SH3GL2: variants seen among roughly 807,000 people sequenced by gnomAD.
SH3GL2 encodes the protein SH3 domain containing GRB2 like 2, endophilin A1.
A neutral mutation model predicts 46.0 loss-of-function variants in SH3GL2; 24 were observed. The observed-to-expected ratio is 0.52, with a 90% CI of 0.38 to 0.73. The LOEUF (loss-of-function observed/expected upper bound fraction) is 0.73. Among genes scored for constraint, SH3GL2 ranks in the 30% least tolerant of loss-of-function variants. The pLI is 0.00. For missense variants in SH3GL2, 413 were observed against 424.2 expected (o/e 0.97, Z 0.23); for synonymous variants, 196 against 147.1 (o/e 1.33, Z -2.40).
chr9:17,767,365 G>A (rs2131159527), intron 3 of SH3GL2, among the ~76,000 whole-genome samples: 1 of 152,342 alleles, frequency 6.6e-6, no homozygotes, highest in East Asian at 1.9e-4. Flanking sequence ...TCCCTGGAAA[G>A]ATACTCTATT....
chr9:17,769,488 A>G (rs961553269), intron 3 of SH3GL2, among the ~76,000 whole-genome samples: 1 of 152,010 alleles, frequency 6.6e-6, no homozygotes. Context: ...ACTGGCTTCC[A>G]TTGCACTGAG....
intron 1 of SH3GL2, among the ~76,000 whole-genome samples, chr9:17,617,234 C>G (rs1219071231): frequency 6.6e-6 from 1 of 152,148 alleles, no homozygotes; most frequent in Non-Finnish European, 1.5e-5. Context: ...TAAAATGTTT[C>G]CAGTTTGCTC....
At chr9:17,645,037 T>A (rs1025506266) in intron 1 of SH3GL2, among the ~76,000 whole-genome samples, 4 of 152,162 alleles carry the variant, frequency 2.6e-5, no homozygotes, top group African/African-American at 9.7e-5. Context: ...TTTAGGATAG[T>A]TAGCTCTTCT....
intron 1 of SH3GL2, among the ~76,000 whole-genome samples, chr9:17,687,393 G>A (rs1042712951): frequency 1.3e-5 from 2 of 152,048 alleles, no homozygotes; most frequent in African/African-American, 4.8e-5. Context: ...TTGAAGTACA[G>A]TATTGTTGCA....
At chr9:17,584,151 G>T (rs150118479) in intron 1 of SH3GL2, among the ~76,000 whole-genome samples, 3 of 152,210 alleles carry the variant, frequency 2.0e-5, no homozygotes, top group African/African-American at 7.2e-5. Context: ...AATGCCCTTA[G>T]CCTGTTACCA....
At chr9:17,613,289 G>C (rs1215114139) in intron 1 of SH3GL2, among the ~76,000 whole-genome samples, 1 of 152,148 alleles carries the variant, frequency 6.6e-6, no homozygotes, top group Non-Finnish European at 1.5e-5. Flanking sequence ...TAAAGTTTTG[G>C]TTGTTAATTT....
At chr9:17,607,479 A>G (rs1818781307) in intron 1 of SH3GL2, among the ~76,000 whole-genome samples, 1 of 152,246 alleles carries the variant, frequency 6.6e-6, no homozygotes. Context: ...TGATGAAATC[A>G]TCTAATCAGT....
At chr9:17,636,552 C>T (rs1237515927) in intron 1 of SH3GL2, among the ~76,000 whole-genome samples, 1 of 152,140 alleles carries the variant, frequency 6.6e-6, no homozygotes, top group Non-Finnish European at 1.5e-5. Flanking sequence ...CAACTTCCAG[C>T]AGTGTTGCTG....
At chr9:17,594,991 G>A (rs1818545430) in intron 1 of SH3GL2, among the ~76,000 whole-genome samples, 1 of 152,164 alleles carries the variant, frequency 6.6e-6, no homozygotes, top group Non-Finnish European at 1.5e-5. Context: ...TTGTAAGATT[G>A]TAAGTTTAAA....
At chr9:17,697,227 CT>C (rs201644889) in intron 1 of SH3GL2, among the ~76,000 whole-genome samples, 339 of 144,136 alleles carry the variant, frequency 2.4e-3, no homozygotes, top group Middle Eastern at 3.6e-3. Flanking sequence ...AAATGCATTT[CT>C]TTTTTTTTTT....
chr9:17,680,136 G>T (rs925953878), intron 1 of SH3GL2, among the ~76,000 whole-genome samples: 2 of 152,034 alleles, frequency 1.3e-5, no homozygotes, highest in Admixed American at 1.3e-4. Context: ...GGATGATGCT[G>T]GCCTCATAAA....
At chr9:17,789,288 G>A in intron 5 of SH3GL2, 104 bp from the exon 6 acceptor site, 1 of 886,184 alleles carries the variant, frequency 1.1e-6, no homozygotes, top group Non-Finnish European at 1.8e-6. Flanking sequence ...TTAAAACTTA[G>A]CCTATCTTAA....
At chr9:17,581,217 C>T (rs996064862) in intron 1 of SH3GL2, among the ~76,000 whole-genome samples, 1 of 151,422 alleles carries the variant, frequency 6.6e-6, no homozygotes, top group Non-Finnish European at 1.5e-5. Context: ...GCTCCATTTC[C>T]GCTAAATCTT....
intron 2 of SH3GL2, among the ~76,000 whole-genome samples, chr9:17,755,494 G>C (rs1248809730): frequency 1.3e-5 from 2 of 152,018 alleles, no homozygotes; most frequent in African/African-American, 2.4e-5. Context: ...TGTATAGATG[G>C]GGTCTCACTT....
intron 1 of SH3GL2, among the ~76,000 whole-genome samples, chr9:17,597,832 C>A (rs1022521755): frequency 6.6e-6 from 1 of 152,182 alleles, no homozygotes; most frequent in African/African-American, 2.4e-5. Context: ...GGCCTCTCCA[C>A]CCTGATTGAG....
At chr9:17,747,828 C>A (rs928195095) in intron 2 of SH3GL2, among the ~76,000 whole-genome samples, 3 of 151,982 alleles carry the variant, frequency 2.0e-5, no homozygotes, top group South Asian at 4.2e-4. Flanking sequence ...CACGCACCAC[C>A]ACGTCTGGCT....
intron 1 of SH3GL2, among the ~76,000 whole-genome samples, chr9:17,734,432 A>G (rs1323152353): frequency 6.6e-6 from 1 of 152,124 alleles, no homozygotes; most frequent in Non-Finnish European, 1.5e-5. Context: ...TATACTGTAC[A>G]GTCTTCACAT....
intron 1 of SH3GL2, among the ~76,000 whole-genome samples, chr9:17,594,662 A>G (rs1357503734): frequency 7.0e-6 from 1 of 143,158 alleles, no homozygotes; most frequent in Non-Finnish European, 1.6e-5. Flanking sequence ...TTAAAAAAAT[A>G]ATTGTGTGTT....
chr9:17,772,382 A>G (rs552727843), intron 3 of SH3GL2, among the ~76,000 whole-genome samples: 1 of 152,328 alleles, frequency 6.6e-6, no homozygotes, highest in Non-Finnish European at 1.5e-5. Context: ...TTTTAAGTAT[A>G]CATTTCACTG....
Sources: allele counts gnomAD v4.1 joint callset (sites outside exome capture counted in the v4.1 genomes callset), GRCh38; gene constraint gnomAD v4.1.1; transcripts MANE v1.5; gene names NCBI Gene and HGNC (gene_info 2026-07-23, HGNC 2026-07-21).